Variants in USP25 observed in about 807,000 individuals in gnomAD.
USP25 encodes ubiquitin specific peptidase 25.
In USP25, 85 loss-of-function variants were observed where a neutral mutation model predicts 158.5. The observed-to-expected ratio is 0.54, with a 90% confidence interval of 0.45 to 0.64. The LOEUF (loss-of-function observed/expected upper bound fraction) is 0.64, where lower values mean the gene tolerates loss of function less well. USP25 is among the 30% of genes least tolerant of loss of function. USP25 has a pLI of 0.00. For missense variants in USP25, 1,242 were observed against 1,327.3 expected (o/e 0.94, Z 1.00); for synonymous variants, 464 against 460.4 (o/e 1.01, Z -0.10).
chr21:15,754,103 T>C (rs2033217040), intron 1 of USP25, among the ~76,000 whole-genome samples: 1 of 152,246 alleles, frequency 6.6e-6, no homozygotes. Flanking sequence ...GGACAGTTTT[T>C]CAAGGTTACT....
chr21:15,878,540 C>T lies in USP25; in HGVS notation c.*65C>T. 1 of 1,503,040 alleles carries T rather than the reference C, an allele frequency of 6.7e-7. No homozygotes were observed. The allele number at this position is 1,503,040 out of a possible 1,614,324, so 93.1% of individuals were successfully genotyped here. A position where few individuals can be genotyped will look rare whatever the true frequency, so the allele number is the denominator to read the frequency against. On this transcript the variant is annotated 3_prime_UTR_variant, in exon 26 of 26. Coordinates refer to ENST00000400183, the MANE Select transcript of USP25 (RefSeq NM_001283041.3). ...TAGTTCTTAACCCTTGCCTTCCTGT[C>T]ACAGGGTTTGCTTGTTGCTGCTATA... is the stretch of plus-strand genomic sequence containing the variant.
chr21:15,833,301 C>G, intron 16 of USP25, 47 bp from the exon 17 acceptor site: 1 of 1,552,098 alleles, frequency 6.4e-7, no homozygotes, highest in Non-Finnish European at 8.8e-7. Flanking sequence ...TTTGCATTTT[C>G]CCTTTAATTC....
chr21:15,857,351 G>A (rs753341976), intron 20 of USP25, among the ~76,000 whole-genome samples: 1 of 148,456 alleles, frequency 6.7e-6, no homozygotes, highest in South Asian at 2.1e-4. Context: ...CGTGAACATA[G>A]CAGAGTTGAC....
intron 9 of USP25, among the ~76,000 whole-genome samples, chr21:15,814,025 C>G (rs564248135): frequency 1.3e-5 from 2 of 151,286 alleles, no homozygotes; most frequent in East Asian, 4.0e-4. Flanking sequence ...CTTTCTCGTG[C>G]TATTCTTATG....
intron 1 of USP25, 24 bp downstream of exon 1, chr21:15,730,462 G>A (rs2030690389): frequency 7.4e-7 from 1 of 1,342,694 alleles, no homozygotes; most frequent in Non-Finnish European, 9.6e-7. Flanking sequence ...GCCAGCCGGC[G>A]GGCCCCACTT....
At chr21:15,787,280 G>A (rs1430310809) in intron 4 of USP25, among the ~76,000 whole-genome samples, 1 of 152,106 alleles carries the variant, frequency 6.6e-6, no homozygotes, top group Non-Finnish European at 1.5e-5. Context: ...AACCACAAGA[G>A]AGCCCAAATA....
Position 15,879,531 on chromosome 21 carries a change from A to G in USP25, c.*1056A>G, listed in dbSNP as rs1167513754. The G allele has an allele frequency of 6.6e-6, 1 of 152,552 alleles. No individual in the cohort carries two copies. Among genetic ancestry groups the G allele is most frequent in the Non-Finnish European group, 1.5e-5 (1 of 67,974 alleles). 9.4% of individuals were successfully genotyped at this position (152,552 alleles called of 1,614,324 possible). ...CTGCCTTTATTCCTTTTCAAAAAGG[A>G]AAAAGCTGTAGAACATTTTGTAGAT... On this transcript the variant is annotated 3_prime_UTR_variant, in exon 26 of 26. Transcript: ENST00000400183.
chr21:15,834,267 T>G (rs535500349), intron 17 of USP25, among the ~76,000 whole-genome samples: 1 of 152,196 alleles, frequency 6.6e-6, no homozygotes, highest in Non-Finnish European at 1.5e-5. Context: ...ATATTGTCTT[T>G]TTATTTTCTT....
intron 17 of USP25, among the ~76,000 whole-genome samples, chr21:15,840,073 A>G (rs1601090466): frequency 6.6e-6 from 1 of 152,192 alleles, no homozygotes; most frequent in Middle Eastern, 3.4e-3. Context: ...CTTCCAGTGT[A>G]GAGTCTCATA....
chr21:15,774,703 C>G (rs1362718031), intron 3 of USP25, among the ~76,000 whole-genome samples: 1 of 152,032 alleles, frequency 6.6e-6, no homozygotes, highest in East Asian at 1.9e-4. Context: ...AAACATAAAT[C>G]AAGGTTTGAG....
chr21:15,739,314 T>G (rs192431930), intron 1 of USP25, among the ~76,000 whole-genome samples: 33 of 152,314 alleles, frequency 2.2e-4, no homozygotes, highest in Non-Finnish European at 3.5e-4. Flanking sequence ...TCTGAAATAT[T>G]TACATGTGTT....
At chr21:15,758,173 A>G (rs1254059573) in intron 1 of USP25, among the ~76,000 whole-genome samples, 2 of 152,158 alleles carry the variant, frequency 1.3e-5, no homozygotes, top group East Asian at 3.9e-4. Context: ...TAGCAAACTC[A>G]TGGAGTCATC....
intron 19 of USP25, 95 bp from the exon 20 acceptor site, chr21:15,849,682 T>C: frequency 1.0e-6 from 1 of 971,426 alleles, no homozygotes; most frequent in Non-Finnish European, 1.5e-6. Context: ...ACATTTGATT[T>C]ATAAATATGG....
At chr21:15,832,572 A>G (rs2037856320) in intron 16 of USP25, among the ~76,000 whole-genome samples, 2 of 152,170 alleles carry the variant, frequency 1.3e-5, no homozygotes, top group African/African-American at 4.8e-5. Context: ...TCTTCATATG[A>G]CAAACAATTT....
chr21:15,748,819 G>A (rs2032770033), intron 1 of USP25, among the ~76,000 whole-genome samples: 1 of 152,052 alleles, frequency 6.6e-6, no homozygotes, highest in South Asian at 2.1e-4. Flanking sequence ...TGGCATTTGT[G>A]GCTTCAACTA....
intron 3 of USP25, among the ~76,000 whole-genome samples, chr21:15,775,996 C>T (rs2034635587): frequency 1.3e-5 from 2 of 151,912 alleles, no homozygotes; most frequent in African/African-American, 2.4e-5. Flanking sequence ...CAAATTTTTT[C>T]CACTTTTCAT....
rs2030645753 is a variant in USP25 at position 15,730,230 on chromosome 21, C to T, written c.-164C>T. ...TTTCGCCGCCTGCCCGCGGTGCCCGCGCACGCCGGCCGCCATCGCCTTCGC... is the reference window on the plus strand; with the variant it reads ...TTTCGCCGCCTGCCCGCGGTGCCCGTGCACGCCGGCCGCCATCGCCTTCGC... On this transcript the variant is annotated 5_prime_UTR_variant, in exon 1 of 26. Coordinates refer to ENST00000400183, the MANE Select transcript of USP25 (RefSeq NM_001283041.3). 2.6e-6 allele frequency: 2 copies of T among 760,500 alleles called. No individual in the cohort carries two copies. The highest frequency in any genetic ancestry group is 1.6e-6 in the Non-Finnish European group (1 of 625,714). The allele number at this position is 760,500 out of a possible 1,614,324, so 47.1% of individuals were successfully genotyped here. A position where few individuals can be genotyped will look rare whatever the true frequency, so the allele number is the denominator to read the frequency against.
At chr21:15,856,519 T>C (rs1328303117) in intron 20 of USP25, among the ~76,000 whole-genome samples, 1 of 152,098 alleles carries the variant, frequency 6.6e-6, no homozygotes, top group African/African-American at 2.4e-5. Context: ...TCGCCCAGGC[T>C]GGAGTGCAGT....
At chr21:15,768,674 C>G (rs577501829) in intron 3 of USP25, among the ~76,000 whole-genome samples, 1 of 152,172 alleles carries the variant, frequency 6.6e-6, no homozygotes, top group South Asian at 2.1e-4. Flanking sequence ...AAGAATAGAT[C>G]AGAGTGTGAG....
Sources: allele counts gnomAD v4.1 joint callset (sites outside exome capture counted in the v4.1 genomes callset), GRCh38; gene constraint gnomAD v4.1.1; transcripts MANE v1.5; gene names NCBI Gene and HGNC (gene_info 2026-07-23, HGNC 2026-07-21).